Variants in NMNAT2 observed in about 807,000 individuals in gnomAD.
NMNAT2 encodes the protein nicotinamide/nicotinic acid mononucleotide adenylyltransferase 2.
Under a neutral mutation model 41.6 loss-of-function variants are expected in NMNAT2, and 11 were observed. The ratio of observed to expected loss-of-function variants is 0.26; its 90% CI spans 0.17 to 0.44. The LOEUF (loss-of-function observed/expected upper bound fraction) is 0.44. Ranked by LOEUF, NMNAT2 falls within the 20% of genes least tolerant of loss-of-function variation. The pLI is 1.00. For synonymous variants in NMNAT2, 148 were observed against 151.2 expected, an observed-to-expected ratio of 0.98 and a Z score of 0.16; for missense variants, 288 against 407.7, an observed-to-expected ratio of 0.71 and a Z score of 2.53.
chr1:183,293,917 A>G (rs1420177778), intron 1 of NMNAT2, 124 bp from the exon 2 acceptor site: 2 of 694,662 alleles, frequency 2.9e-6, no homozygotes, highest in Non-Finnish European at 4.9e-6. Flanking sequence ...TGCCATTTAA[A>G]TAGAAAATGT....
chr1:183,417,735 A>G (rs779678023), intron 1 of NMNAT2, among the ~76,000 whole-genome samples: 1 of 152,140 alleles, frequency 6.6e-6, no homozygotes, highest in Admixed American at 6.5e-5. Context: ...CCAGGCACAT[A>G]CATGATTTAA....
chr1:183,326,454 G>A (rs1662466157), intron 1 of NMNAT2, among the ~76,000 whole-genome samples: 1 of 151,706 alleles, frequency 6.6e-6, no homozygotes, highest in Non-Finnish European at 1.5e-5. Flanking sequence ...TATGTTGTGA[G>A]GAAGAAATAA....
chr1:183,333,172 C>A (rs192671701), intron 1 of NMNAT2, among the ~76,000 whole-genome samples: 6 of 152,290 alleles, frequency 3.9e-5, no homozygotes, highest in Non-Finnish European at 7.4e-5. Context: ...CCAGGGGATA[C>A]CTGGAGCTGG....
chr1:183,369,168 G>T (rs892159651), intron 1 of NMNAT2, among the ~76,000 whole-genome samples: 2 of 151,958 alleles, frequency 1.3e-5, no homozygotes, highest in African/African-American at 4.8e-5. Flanking sequence ...TTTAACATGG[G>T]CCAGGTTCAG....
At chr1:183,358,360 G>A (rs540220062) in intron 1 of NMNAT2, among the ~76,000 whole-genome samples, 53 of 152,238 alleles carry the variant, frequency 3.5e-4, no homozygotes, top group Non-Finnish European at 6.5e-4. Context: ...ACAAACCCCC[G>A]TGACTTGAGT....
At chr1:183,303,675 C>CA (rs1206221372) in intron 1 of NMNAT2, among the ~76,000 whole-genome samples, 1 of 152,226 alleles carries the variant, frequency 6.6e-6, no homozygotes, top group African/African-American at 2.4e-5. Context: ...ACAATCCTAC[C>CA]AGGCCCTCCC....
intron 1 of NMNAT2, among the ~76,000 whole-genome samples, chr1:183,382,119 T>A (rs1444379026): frequency 4.6e-5 from 7 of 152,216 alleles, no homozygotes; most frequent in Non-Finnish European, 5.9e-5. Flanking sequence ...TGAGGAAGCC[T>A]CAGGAAACTT....
intron 1 of NMNAT2, among the ~76,000 whole-genome samples, chr1:183,366,874 A>G (rs1663424907): frequency 6.6e-6 from 1 of 152,122 alleles, no homozygotes; most frequent in Non-Finnish European, 1.5e-5. Flanking sequence ...CCTGTCAACC[A>G]AGCAAAACCG....
At chr1:183,352,562 CAAAAAAA>C (rs55706245) in intron 1 of NMNAT2, among the ~76,000 whole-genome samples, 70 of 79,170 alleles carry the variant, frequency 8.8e-4, no homozygotes, top group African/African-American at 1.0e-3. Context: ...CAGTCTGTCT[CAAAAAAA>C]AAAAAAAAAA....
At chr1:183,391,300 C>T (rs1317096777) in intron 1 of NMNAT2, among the ~76,000 whole-genome samples, 1 of 152,152 alleles carries the variant, frequency 6.6e-6, no homozygotes, top group African/African-American at 2.4e-5. Flanking sequence ...TTCTATCCAC[C>T]TACCTGTCTG....
intron 1 of NMNAT2, among the ~76,000 whole-genome samples, chr1:183,381,063 C>A (rs1663793626): frequency 6.6e-6 from 1 of 152,022 alleles, no homozygotes; most frequent in Admixed American, 6.6e-5. Context: ...GCTGGATCAA[C>A]CATTGTGAGA....
intron 1 of NMNAT2, among the ~76,000 whole-genome samples, chr1:183,390,526 G>C (rs551998416): frequency 6.6e-6 from 1 of 152,256 alleles, no homozygotes; most frequent in African/African-American, 2.4e-5. Context: ...TCTGATGGTA[G>C]TTATACAAAT....
intron 1 of NMNAT2, among the ~76,000 whole-genome samples, chr1:183,362,402 T>G (rs1444118889): frequency 1.3e-5 from 2 of 152,196 alleles, no homozygotes; most frequent in Non-Finnish European, 2.9e-5. Flanking sequence ...CCAATATCCC[T>G]TAGTAGTGAT....
chr1:183,379,078 A>ATATCTATATCTG (rs1663742100), intron 1 of NMNAT2, among the ~76,000 whole-genome samples: 1 of 76,172 alleles, frequency 1.3e-5, no homozygotes, highest in Non-Finnish European at 2.9e-5. Flanking sequence ...ATCTATATCT[A>ATATCTATATCTG]TATCTATATC....
chr1:183,276,724 G>A (rs1008951448), intron 8 of NMNAT2, among the ~76,000 whole-genome samples: 1 of 152,264 alleles, frequency 6.6e-6, no homozygotes, highest in Non-Finnish European at 1.5e-5. Context: ...CAATTGCCCA[G>A]ATTTGCCTGG....
At position 183,358,116 on chromosome 1, in the gene NMNAT2, C is replaced by T. The variant is rs112662112; in HGVS notation, c.85+60067G>A. On this transcript the variant is annotated intron_variant, in intron 1 of 10. Transcript: ENST00000287713. ...ACAAAGAATGAGATCATGTCCTTTG[C>T]AGGGACATGGATGAAATTGGAGGCC... Among the ~76,000 whole-genome samples, 1,096 of 152,274 alleles carry T rather than the reference C, an allele frequency of 7.2e-3. 15 individuals carry two copies. Among genetic ancestry groups the T allele is most frequent in the African/African-American group, 0.025 (1,056 of 41,560 alleles).
intron 1 of NMNAT2, among the ~76,000 whole-genome samples, chr1:183,349,470 G>A (rs902364650): frequency 6.6e-6 from 1 of 152,214 alleles, no homozygotes; most frequent in Non-Finnish European, 1.5e-5. Context: ...CTTTAAAAGC[G>A]TTCTCTTTCC....
At position 183,249,732 on chromosome 1, in the gene NMNAT2, T is replaced by TGTGTGTGTGTG. The variant is rs59813106; in HGVS notation, c.*2908_*2909insCACACACACAC. 1.7e-5 allele frequency: 2 copies of TGTGTGTGTGTG among 114,898 alleles called. No homozygotes were observed. The highest frequency in any genetic ancestry group is 3.0e-4 in the South Asian group (1 of 3,310). The allele number at this position is 114,898 out of a possible 1,614,324, so 7.1% of individuals were successfully genotyped here. A position where few individuals can be genotyped will look rare whatever the true frequency, so the allele number is the denominator to read the frequency against. On this transcript the variant is annotated 3_prime_UTR_variant, in exon 11 of 11. Coordinates refer to ENST00000287713, the MANE Select transcript of NMNAT2 (RefSeq NM_015039.4). ...GTGTGTGTGTGTGTGTGTGTGTGTG[T>TGTGTGTGTGTG]TTGGGGGGTAGGGGGTGCGGCGATG...
chr1:183,411,377 C>A (rs985094039), intron 1 of NMNAT2, among the ~76,000 whole-genome samples: 21 of 152,056 alleles, frequency 1.4e-4, no homozygotes, highest in African/African-American at 5.1e-4. Context: ...TGCAGTGGTG[C>A]GATCTTGGCT....
Sources: allele counts gnomAD v4.1 joint callset (sites outside exome capture counted in the v4.1 genomes callset), GRCh38; gene constraint gnomAD v4.1.1; transcripts MANE v1.5; gene names NCBI Gene and HGNC (gene_info 2026-07-23, HGNC 2026-07-21).